MARCHF8: variants seen among roughly 807,000 people sequenced by gnomAD.
The protein encoded by MARCHF8 is membrane associated ring-CH-type finger 8.
MARCHF8 carries 40 observed loss-of-function variants against 51.6 expected under a neutral mutation model. That is an observed-to-expected ratio of 0.77 (90% CI 0.60 to 1.01). The LOEUF (loss-of-function observed/expected upper bound fraction) is 1.01. MARCHF8 is among the 50% of genes least tolerant of loss of function. MARCHF8 has a pLI of 0.00. For synonymous variants in MARCHF8, 263 were observed against 280.3 expected (o/e 0.94, Z 0.62); for missense variants, 685 against 708.6 (o/e 0.97, Z 0.38).
chr10:45,522,478 A>G (rs188935177), intron 2 of MARCHF8, among the ~76,000 whole-genome samples: 207 of 143,294 alleles, frequency 1.4e-3, no homozygotes, highest in African/African-American at 4.8e-3. Context: ...CTTGGGTAAC[A>G]ATCCTGGGGT....
chr10:45,585,233 C>A (rs1465161900), intron 1 of MARCHF8, among the ~76,000 whole-genome samples: 1 of 152,144 alleles, frequency 6.6e-6, no homozygotes, highest in Non-Finnish European at 1.5e-5. Flanking sequence ...CAGCTATACA[C>A]CTGACCATAC....
At chr10:45,560,655 C>A (rs570461377) in intron 1 of MARCHF8, among the ~76,000 whole-genome samples, 12 of 151,460 alleles carry the variant, frequency 7.9e-5, no homozygotes, top group South Asian at 4.1e-4. Flanking sequence ...TCATTGGATA[C>A]CTGCATGTGA....
At chr10:45,472,205 C>A (rs1007885650) in intron 3 of MARCHF8, among the ~76,000 whole-genome samples, 1 of 152,184 alleles carries the variant, frequency 6.6e-6, no homozygotes, top group South Asian at 2.1e-4. Context: ...GATGGCCCCT[C>A]CTCCTTTCTG....
intron 1 of MARCHF8, among the ~76,000 whole-genome samples, chr10:45,584,150 T>C (rs1589195773): frequency 1.5e-5 from 2 of 132,896 alleles, no homozygotes. Flanking sequence ...TATATATATA[T>C]ATATATATAT....
chr10:45,574,881 TCA>T, intron 1 of MARCHF8, among the ~76,000 whole-genome samples: 1 of 133,712 alleles, frequency 7.5e-6, no homozygotes, highest in Non-Finnish European at 1.7e-5. Flanking sequence ...ACTTGAGCCC[TCA>T]CTCTTCCAAA....
chr10:45,517,201 T>C (rs912857785), intron 2 of MARCHF8, among the ~76,000 whole-genome samples: 8 of 152,366 alleles, frequency 5.3e-5, no homozygotes, highest in South Asian at 2.1e-4. Flanking sequence ...ACTTTTCTTA[T>C]GGACTATACA....
rs192675104 is a variant in MARCHF8 at position 45,590,164 on chromosome 10, T to C, written c.-79+4071A>G. ...AACCGTCTTAGTTACTTCGTTGGTG[T>C]AACATGGTATTTCACTGTGGTTTTG... On this transcript the variant is annotated intron_variant, in intron 1 of 6. Transcript: ENST00000319836. Among the ~76,000 whole-genome samples, 201 of 152,344 alleles carry C rather than the reference T, an allele frequency of 1.3e-3. 1 individual carries two copies. Among genetic ancestry groups the C allele is most frequent in the African/African-American group, 4.4e-3 (181 of 41,586 alleles).
chr10:45,488,590 C>T (rs1429301145), intron 3 of MARCHF8, among the ~76,000 whole-genome samples: 1 of 152,150 alleles, frequency 6.6e-6, no homozygotes, highest in African/African-American at 2.4e-5. Context: ...ACGACTGCTC[C>T]GGCCGACTGC....
chr10:45,499,086 T>C (rs755960323), intron 2 of MARCHF8, among the ~76,000 whole-genome samples: 34 of 152,214 alleles, frequency 2.2e-4, no homozygotes, highest in Non-Finnish European at 4.3e-4. Context: ...ACAATCAGCG[T>C]TCCACTTTGT....
chr10:45,547,544 T>A (rs971147037), intron 1 of MARCHF8, among the ~76,000 whole-genome samples: 1 of 152,294 alleles, frequency 6.6e-6, no homozygotes, highest in South Asian at 2.1e-4. Context: ...TGGATAAAAA[T>A]GCACAACTTA....
At chr10:45,530,705 C>G (rs1478002639) in intron 2 of MARCHF8, among the ~76,000 whole-genome samples, 2 of 152,022 alleles carry the variant, frequency 1.3e-5, no homozygotes, top group East Asian at 1.9e-4. Context: ...CCCAGGAGTT[C>G]GTGGCTGCGG....
intron 1 of MARCHF8, among the ~76,000 whole-genome samples, chr10:45,560,046 A>T (rs780785072): frequency 6.6e-6 from 1 of 152,114 alleles, no homozygotes; most frequent in Non-Finnish European, 1.5e-5. Context: ...GGAAGAGGCT[A>T]ATTAGGTAAG....
chr10:45,533,548 T>C (rs559859583), intron 1 of MARCHF8, among the ~76,000 whole-genome samples: 1 of 152,328 alleles, frequency 6.6e-6, no homozygotes, highest in East Asian at 1.9e-4. Flanking sequence ...TTCCATTGGC[T>C]ACTTAGGATT....
At chr10:45,508,183 A>C (rs12773463) in intron 2 of MARCHF8, among the ~76,000 whole-genome samples, 9,367 of 152,070 alleles carry the variant, frequency 0.062, 330 homozygotes, top group Non-Finnish European at 0.066. Flanking sequence ...AAGTGTTGAA[A>C]TCTCCTGGTA....
chr10:45,559,898 G>A (rs532624821), intron 1 of MARCHF8, among the ~76,000 whole-genome samples: 11 of 152,072 alleles, frequency 7.2e-5, no homozygotes, highest in African/African-American at 2.4e-4. Flanking sequence ...TAAATACCTT[G>A]TAAGTATACA....
At chr10:45,534,138 G>C (rs559790956) in intron 1 of MARCHF8, among the ~76,000 whole-genome samples, 2 of 151,696 alleles carry the variant, frequency 1.3e-5, no homozygotes, top group Non-Finnish European at 2.9e-5. Context: ...AGCCAAGATC[G>C]CACCACTGCA....
At chr10:45,504,621 C>A (rs1217725651) in intron 2 of MARCHF8, among the ~76,000 whole-genome samples, 1 of 152,150 alleles carries the variant, frequency 6.6e-6, no homozygotes, top group African/African-American at 2.4e-5. Flanking sequence ...TGAATGGACA[C>A]TCACTCAGAA....
In MARCHF8 at chr10:45,463,261, C is replaced by CA. The variant is rs745410295; in HGVS notation, c.977dup (p.Arg327AlafsTer21). On this transcript the variant is annotated frameshift_variant, in exon 5 of 8. Transcript: ENST00000453424. LOFTEE classifies it high-confidence loss of function. The stretch of plus-strand genomic sequence containing the variant: ...TTTCCGTGGAGCAGAGGGGCGCCCG[C>CA]AGAACCCTACTCTTCAGTTTTGCAG... 9 of 1,550,926 alleles carry CA rather than the reference C, an allele frequency of 5.8e-6. 1 individual carries two copies. The South Asian group carries it at 1.1e-4, about 18-fold the overall frequency.
intron 3 of MARCHF8, among the ~76,000 whole-genome samples, chr10:45,488,378 C>T (rs1417033702): frequency 6.6e-6 from 1 of 152,040 alleles, no homozygotes; most frequent in Non-Finnish European, 1.5e-5. Flanking sequence ...AGGCCACAAC[C>T]GCAATGCCTG....
Sources: gnomAD v4.1 joint callset for allele counts (sites outside exome capture counted in the v4.1 genomes callset) on GRCh38, gnomAD v4.1.1 for gene constraint, MANE v1.5 for transcripts, NCBI Gene and HGNC (gene_info 2026-07-23, HGNC 2026-07-21) for gene names.